The following SNRPN variants were observed in gnomAD, a reference collection of about 807,000 sequenced individuals.
The protein encoded by SNRPN is small nuclear ribonucleoprotein polypeptide N.
SNRPN carries 7 observed loss-of-function variants against 25.2 expected under a neutral mutation model. The ratio of observed to expected loss-of-function variants is 0.28; its 90% confidence interval spans 0.16 to 0.52. SNRPN has a LOEUF of 0.52. Ranked by LOEUF, SNRPN falls within the 20% of genes least tolerant of loss-of-function variation. SNRPN has a pLI of 0.96. For missense variants in SNRPN, 196 were observed against 322.5 expected, an observed-to-expected ratio of 0.61 and a Z score of 3.00; for synonymous variants, 124 against 110.6, an observed-to-expected ratio of 1.12 and a Z score of -0.76.
In SNRPN at chr15:24,905,508, C is replaced by CA. The variant is rs11341629; in HGVS notation, c.-504-14486dup. ...TGGGTGACAGAGTGAGACTCCATCT[C>CA]AAAAAAAAAAAAAAAAAGACACATT... On this transcript the variant is annotated intron_variant, in intron 2 of 11. Transcript: ENST00000400097. Among the ~76,000 whole-genome samples, 93 of 122,246 alleles carry CA rather than the reference C, an allele frequency of 7.6e-4. 1 individual carries two copies. Among genetic ancestry groups the CA allele is most frequent in the Admixed American group, 2.1e-3 (25 of 11,732 alleles). 80.2% of individuals were successfully genotyped at this position (122,246 alleles called of 152,430 possible).
intron 2 of SNRPN, among the ~76,000 whole-genome samples, chr15:24,889,250 T>C (rs116809041): frequency 6.6e-6 from 1 of 151,224 alleles, no homozygotes; most frequent in East Asian, 2.0e-4. Flanking sequence ...AAAAAGAAAA[T>C]TTGATTTATT....
upstream of SNRPN, among the ~76,000 whole-genome samples, chr15:24,855,992 T>C (rs1361154813): frequency 6.6e-6 from 1 of 152,166 alleles, no homozygotes; most frequent in Admixed American, 6.6e-5. Context: ...AAAATTCACA[T>C]TTCCCCAATT....
chr15:24,978,055 A>G, intron 8 of SNRPN, 138 bp from the exon 9 acceptor site: 1 of 1,195,390 alleles, frequency 8.4e-7, no homozygotes, highest in Non-Finnish European at 1.2e-6. Context: ...TGAAAGACAT[A>G]GAAGAGTAAT....
chr15:24,904,231 G>A (rs563537289), intron 2 of SNRPN, among the ~76,000 whole-genome samples: 5 of 152,136 alleles, frequency 3.3e-5, no homozygotes, highest in East Asian at 1.9e-4. Flanking sequence ...GCCTGGCCCC[G>A]TAACCACTTT....
rs760086531 is a variant in SNRPN at position 24,873,436 on chromosome 15, C to A, written c.-578-13080C>A. 2.5e-4 allele frequency among the ~76,000 whole-genome samples: 28 copies of A among 111,850 alleles called. 9 individuals are homozygous for A. Among genetic ancestry groups the A allele is most frequent in the Admixed American group, 8.8e-4 (9 of 10,204 alleles). 73.4% of individuals were successfully genotyped at this position (111,850 alleles called of 152,430 possible). A position where few individuals can be genotyped will look rare whatever the true frequency, so the allele number is the denominator to read the frequency against. On this transcript the variant is annotated intron_variant, in intron 1 of 11. Transcript: ENST00000400097. ...CTGCCTCCTGGGTTCAAGCAATTCT[C>A]CTGCAAATATTTTGTCTCTCTTTTT...
chr15:24,863,031 G>A (rs764622112), intron 1 of SNRPN, among the ~76,000 whole-genome samples: 7 of 150,902 alleles, frequency 4.6e-5, no homozygotes, highest in Non-Finnish European at 1.0e-4. Flanking sequence ...GGAGGAGTTC[G>A]AATGCCTTTT....
intron 1 of SNRPN, among the ~76,000 whole-genome samples, chr15:24,861,115 A>C (rs2053946257): frequency 6.6e-6 from 1 of 152,214 alleles, no homozygotes; most frequent in South Asian, 2.1e-4. Context: ...TCTCAAAAGC[A>C]TAAATAAATA....
chr15:24,865,327 G>T (rs1232637700), intron 1 of SNRPN, among the ~76,000 whole-genome samples: 1 of 152,168 alleles, frequency 6.6e-6, no homozygotes, highest in Non-Finnish European at 1.5e-5. Context: ...GATTACAGGT[G>T]TGAGCCACCA....
chr15:24,836,662 C>T (rs1192232059), intron 2 of SNRPN, among the ~76,000 whole-genome samples: 1 of 152,106 alleles, frequency 6.6e-6, no homozygotes, highest in African/African-American at 2.4e-5. Flanking sequence ...ATCCGCCCTG[C>T]TCGGCCTCCC....
intron 1 of SNRPN, among the ~76,000 whole-genome samples, chr15:24,864,586 T>C (rs979774621): frequency 4.0e-5 from 6 of 151,752 alleles, no homozygotes; most frequent in East Asian, 1.9e-4. Flanking sequence ...TCAGGTAATC[T>C]GCCCACCTCA....
intron 1 of SNRPN, among the ~76,000 whole-genome samples, chr15:24,872,551 G>T (rs2055265363): frequency 1.7e-5 from 2 of 115,040 alleles, no homozygotes; most frequent in Admixed American, 9.7e-5. Flanking sequence ...TTCGAGACCA[G>T]CCTGACCAAC....
At chr15:24,948,305 G>A (rs1476825436) in intron 3 of SNRPN, among the ~76,000 whole-genome samples, 1 of 151,994 alleles carries the variant, frequency 6.6e-6, no homozygotes, top group Non-Finnish European at 1.5e-5. Context: ...GTATAGACGG[G>A]GTTTCATCAT....
At chr15:24,974,712 A>G in intron 4 of SNRPN, 1 of 608,542 alleles carries the variant, frequency 1.6e-6, no homozygotes, top group Non-Finnish European at 2.9e-6. Flanking sequence ...CCCTGGGTTC[A>G]AGAGATTCTC....
intron 1 of SNRPN, among the ~76,000 whole-genome samples, chr15:24,869,537 T>C (rs1251303058): frequency 6.6e-6 from 1 of 152,170 alleles, no homozygotes; most frequent in Non-Finnish European, 1.5e-5. Context: ...CAGACTTTCC[T>C]TGTTATTGAT....
intron 3 of SNRPN, among the ~76,000 whole-genome samples, chr15:24,940,902 C>T (rs184340247): frequency 1.4e-3 from 211 of 152,236 alleles, no homozygotes; most frequent in African/African-American, 4.8e-3. Context: ...GGAAGAGTTG[C>T]GGTGTTAAGT....
upstream of SNRPN, among the ~76,000 whole-genome samples, chr15:24,854,087 G>A (rs1016543688): frequency 1.3e-5 from 2 of 150,150 alleles, no homozygotes; most frequent in Non-Finnish European, 3.0e-5. Flanking sequence ...TTATTTTGTT[G>A]TTCAAAATTT....
At chr15:24,923,468 A>C (rs2060158768) in intron 3 of SNRPN, among the ~76,000 whole-genome samples, 4 of 152,110 alleles carry the variant, frequency 2.6e-5, no homozygotes, top group Non-Finnish European at 4.4e-5. Context: ...CATCCATTCT[A>C]CTGTGTGGAG....
In SNRPN at chr15:24,862,754, G is replaced by A. The variant is rs372402208; in HGVS notation, c.-579+6038G>A. Among the ~76,000 whole-genome samples the A allele has an allele frequency of 6.2e-4, 93 of 150,986 alleles. 10 individuals carry two copies. Among genetic ancestry groups the A allele is most frequent in the African/African-American group, 2.2e-3 (90 of 40,426 alleles). ...GCCTGGGATGGGATGGACAAGGGGG[G>A]CCTTCAGGAGGAGGAGCATTGGAGG... On this transcript the variant is annotated intron_variant, in intron 1 of 11. Transcript: ENST00000400097.
intron 2 of SNRPN, among the ~76,000 whole-genome samples, chr15:24,840,310 A>G (rs1038102402): frequency 6.6e-6 from 1 of 152,190 alleles, no homozygotes; most frequent in Non-Finnish European, 1.5e-5. Context: ...ATGAGCCGAG[A>G]TTGCACCATT....
Sources: gnomAD v4.1 joint callset for allele counts (sites outside exome capture counted in the v4.1 genomes callset) on GRCh38, gnomAD v4.1.1 for gene constraint, MANE v1.5 for transcripts, NCBI Gene and HGNC (gene_info 2026-07-23, HGNC 2026-07-21) for gene names.